Variants in NOP58 observed in about 807,000 individuals in gnomAD.
NOP58 encodes NOP58 ribonucleoprotein.
NOP58 carries 44 observed loss-of-function variants against 71.2 expected under a neutral mutation model. That is an observed-to-expected ratio of 0.62 (90% CI 0.49 to 0.79). The LOEUF (loss-of-function observed/expected upper bound fraction) is 0.79. Ranked by LOEUF, NOP58 falls within the 30% of genes least tolerant of loss-of-function variation. NOP58 has a pLI of 0.00. For synonymous variants in NOP58, 228 were observed against 200.3 expected (o/e 1.14, Z -1.17); for missense variants, 538 against 620.2 (o/e 0.87, Z 1.41).
In NOP58 at chr2:202,297,490, T is replaced by C. The variant is rs757812649; in HGVS notation, c.1183T>C (p.Leu395=). ...GAACAGAGCCAAATTAGAGGCCAGG[T>C]TGAGAACTTTGGAAGACAGAGGGGT... ...VENRAKLEAR[L]RTLEDRGIRK... The change falls in exon 11 of 15, where the codon TTG becomes CTG. Residue 395 remains leucine, a synonymous_variant. Transcript: ENST00000264279. 2 of 1,613,966 alleles carry C rather than the reference T, an allele frequency of 1.2e-6. No individual in the cohort carries two copies. The highest frequency in any genetic ancestry group is 1.3e-5 in the African/African-American group (1 of 75,042).
intron 2 of NOP58, chr2:202,275,401 A>C: frequency 2.2e-6 from 1 of 452,614 alleles, no homozygotes; most frequent in East Asian, 4.0e-5. Flanking sequence ...TCTCCCCCTT[A>C]CCCACAGGGA....
At chr2:202,270,163 A>G (rs1688493844) in intron 1 of NOP58, among the ~76,000 whole-genome samples, 1 of 152,236 alleles carries the variant, frequency 6.6e-6, no homozygotes, top group Non-Finnish European at 1.5e-5. Context: ...TGTTGCAAAA[A>G]GTTCTCATGC....
At position 202,272,149 on chromosome 2, in the gene NOP58, ATTTTTT is replaced by A. The variant is rs570916461; in HGVS notation, c.46-2947_46-2942del. Among the ~76,000 whole-genome samples, 4 of 111,166 alleles carry A rather than the reference ATTTTTT, an allele frequency of 3.6e-5. No individual in the cohort carries two copies. The East Asian group carries it at 7.7e-4, about 21-fold the overall frequency. The allele number at this position is 111,166 out of a possible 152,430, so 72.9% of individuals were successfully genotyped here. A position where few individuals can be genotyped will look rare whatever the true frequency, so the allele number is the denominator to read the frequency against. ...TTTTAGGGGTTTGTTCTGATGTATAATTTTTTTTTTTTTTTTTTTTTTGAGACGGAG... is the reference window on the plus strand; with the variant it reads ...TTTTAGGGGTTTGTTCTGATGTATAATTTTTTTTTTTTTTTTGAGACGGAG... On this transcript the variant is annotated intron_variant, in intron 1 of 14. Transcript: ENST00000264279.
rs1689068159 is a variant in NOP58, at chr2:202,300,221, T to C, written c.1269-13T>C. On this transcript the variant is annotated splice_polypyrimidine_tract_variant and intron_variant, in intron 12 of 14. Transcript: ENST00000264279. ...CTTGTTAGAGATTTTCTAAAACTTT[T>C]TGGGTCTTTCAGTGAAGTGAAGACT... is the stretch of plus-strand genomic sequence containing the variant. 1.3e-6 allele frequency: 2 copies of C among 1,571,354 alleles called. No individual in the cohort carries two copies. Among genetic ancestry groups the C allele is most frequent in the Non-Finnish European group, 1.7e-6 (2 of 1,169,090 alleles).
chr2:202,277,352 C>T (rs1318389755), intron 2 of NOP58, among the ~76,000 whole-genome samples: 1 of 150,694 alleles, frequency 6.6e-6, no homozygotes, highest in Non-Finnish European at 1.5e-5. Flanking sequence ...CAGGCACATG[C>T]CTGTAATCCC....
At position 202,295,850 on chromosome 2, in the gene NOP58, G is replaced by T. The variant is rs760457044; in HGVS notation, c.1071+13G>T. ...ACACAAAGGAAAGGTGTGTTATAGG[G>T]TTTTGCTTTGTTTTTGAGGTTAGAC... is the stretch of plus-strand genomic sequence containing the variant. On this transcript the variant is annotated intron_variant, in intron 10 of 14. Transcript: ENST00000264279. 6.6e-7 allele frequency: 1 copy of T among 1,516,114 alleles called. No homozygotes were observed. The highest frequency in any genetic ancestry group is 8.8e-7 in the Non-Finnish European group (1 of 1,131,858). The allele number at this position is 1,516,114 out of a possible 1,614,324, so 93.9% of individuals were successfully genotyped here. A position where few individuals can be genotyped will look rare whatever the true frequency, so the allele number is the denominator to read the frequency against.
At chr2:202,302,137 AAG>A (rs1689105740) in intron 13 of NOP58, among the ~76,000 whole-genome samples, 1 of 125,928 alleles carries the variant, frequency 7.9e-6, no homozygotes, top group Non-Finnish European at 1.6e-5. Flanking sequence ...GCCCAGGCTG[AAG>A]TGCAGTGGCG....
At chr2:202,272,713 A>G (rs1688530241) in intron 1 of NOP58, among the ~76,000 whole-genome samples, 1 of 152,236 alleles carries the variant, frequency 6.6e-6, no homozygotes, top group South Asian at 2.1e-4. Context: ...CCATAACTGA[A>G]GTTCACTATT....
chr2:202,269,787 G>C (rs1002151002), intron 1 of NOP58, among the ~76,000 whole-genome samples: 3 of 152,164 alleles, frequency 2.0e-5, no homozygotes, highest in Non-Finnish European at 4.4e-5. Flanking sequence ...GTGTCCTTGT[G>C]TCACGTGGCA....
At chr2:202,288,811 G>C (rs1393447301) in intron 6 of NOP58, among the ~76,000 whole-genome samples, 1 of 150,048 alleles carries the variant, frequency 6.7e-6, no homozygotes, top group Non-Finnish European at 1.5e-5. Context: ...GCAACACTCC[G>C]TCTCAAAAAA....
intron 3 of NOP58, 73 bp downstream of exon 3, chr2:202,278,075 G>C: frequency 1.1e-6 from 1 of 939,628 alleles, no homozygotes; most frequent in Non-Finnish European, 1.8e-6. Flanking sequence ...TTGTTTAAAA[G>C]GTTGTTTGCT....
intron 8 of NOP58, among the ~76,000 whole-genome samples, chr2:202,291,806 CAAAAAAAA>C (rs1161178890): frequency 4.8e-5 from 2 of 41,900 alleles, no homozygotes; most frequent in African/African-American, 2.2e-4. Context: ...AACTCCATCT[CAAAAAAAA>C]AAAAAAAAAA....
chr2:202,289,074 C>T lies in NOP58; in HGVS notation c.500-1249C>T, dbSNP rs188682216. 3.3e-4 allele frequency among the ~76,000 whole-genome samples: 50 copies of T among 151,954 alleles called. 1 individual carries two copies. The highest frequency in any genetic ancestry group is 7.9e-4 in the Admixed American group (12 of 15,250). On this transcript the variant is annotated intron_variant, in intron 6 of 14. Coordinates refer to ENST00000264279, the MANE Select transcript of NOP58 (RefSeq NM_015934.5). ...AGCAGAGGTTGCAGTGAGCTGAGATCGCACCACTGCACTCCATCCTGGGTG... is the reference window on the plus strand; with the variant it reads ...AGCAGAGGTTGCAGTGAGCTGAGATTGCACCACTGCACTCCATCCTGGGTG...
At chr2:202,282,577 C>T (rs190005968) in intron 4 of NOP58, 105 bp downstream of exon 4, 15 of 1,191,360 alleles carry the variant, frequency 1.3e-5, no homozygotes, top group Admixed American at 5.5e-5. Context: ...ATTCTCAATA[C>T]ATTTTTTTCT....
At chr2:202,278,796 A>G (rs1210135320) in intron 3 of NOP58, among the ~76,000 whole-genome samples, 1 of 152,226 alleles carries the variant, frequency 6.6e-6, no homozygotes, top group South Asian at 2.1e-4. Context: ...AATATGACAG[A>G]TGCAAAAAAT....
intron 5 of NOP58, among the ~76,000 whole-genome samples, chr2:202,285,302 A>G (rs1393021914): frequency 6.6e-6 from 1 of 150,908 alleles, no homozygotes; most frequent in Non-Finnish European, 1.5e-5. Flanking sequence ...TTGGCCTTCC[A>G]AAGTGCTGGG....
intron 13 of NOP58, among the ~76,000 whole-genome samples, chr2:202,302,099 T>C (rs1373674895): frequency 5.7e-5 from 8 of 139,492 alleles, no homozygotes; most frequent in African/African-American, 2.2e-4. Flanking sequence ...TTTTTTTTTT[T>C]TTTTTTGAGA....
intron 4 of NOP58, 94 bp downstream of exon 4, chr2:202,282,566 A>C (rs1574381190): frequency 1.6e-6 from 2 of 1,247,126 alleles, no homozygotes; most frequent in East Asian, 2.4e-5. Context: ...GCTTATCATA[A>C]ATTCTCAATA....
chr2:202,286,514 CAAAA>C (rs1024385764), intron 5 of NOP58, among the ~76,000 whole-genome samples: 11 of 151,772 alleles, frequency 7.2e-5, no homozygotes, highest in Non-Finnish European at 1.5e-5. Flanking sequence ...CAAAACAAAA[CAAAA>C]AAGAAACACT....
Sources: gnomAD v4.1 joint callset for allele counts (sites outside exome capture counted in the v4.1 genomes callset) on GRCh38, gnomAD v4.1.1 for gene constraint, MANE v1.5 for transcripts, NCBI Gene and HGNC (gene_info 2026-07-23, HGNC 2026-07-21) for gene names.